The following MYO5B variants were observed in gnomAD, a reference collection of about 807,000 sequenced individuals.
MYO5B encodes unconventional myosin-Vb.
A neutral mutation model predicts 229.3 loss-of-function variants in MYO5B; 143 were observed. That is an observed-to-expected ratio of 0.62 (90% confidence interval 0.54 to 0.72). The LOEUF (loss-of-function observed/expected upper bound fraction) is 0.72, where lower values mean the gene tolerates loss of function less well. Among genes scored for constraint, MYO5B ranks in the 30% least tolerant of loss-of-function variants. MYO5B has a pLI of 0.00. For missense variants in MYO5B, 2,321 were observed against 2,331.0 expected, an observed-to-expected ratio of 1.00 and a Z score of 0.09; for synonymous variants, 918 against 885.2, an observed-to-expected ratio of 1.04 and a Z score of -0.66.
intron 21 of MYO5B, among the ~76,000 whole-genome samples, chr18:49,898,711 C>T (rs2024808808): frequency 6.6e-6 from 1 of 152,204 alleles, no homozygotes; most frequent in Non-Finnish European, 1.5e-5. Flanking sequence ...CTATTAAGAA[C>T]TCTCAAGCCA....
At chr18:50,115,351 A>G (rs569805044) in intron 1 of MYO5B, among the ~76,000 whole-genome samples, 2 of 152,204 alleles carry the variant, frequency 1.3e-5, no homozygotes, top group African/African-American at 4.8e-5. Flanking sequence ...ATGGAATTCA[A>G]TCTTACGGCT....
In MYO5B at chr18:50,194,873, A is replaced by G. The variant is rs1314096685; in HGVS notation, c.-80T>C. The G allele has an allele frequency of 2.4e-6, 3 of 1,238,800 alleles. No homozygotes were observed. The African/African-American group carries it at 4.7e-5, about 20-fold the overall frequency. 76.7% of individuals were successfully genotyped at this position (1,238,800 alleles called of 1,614,324 possible). A position where few individuals can be genotyped will look rare whatever the true frequency, so the allele number is the denominator to read the frequency against. ...GTCCGCGGCTGGCCCGCCTGGCGCC[A>G]TGTTCCCGGGCTGGCCTGGAGTTTC... On this transcript the variant is annotated 5_prime_UTR_variant, in exon 1 of 40. The change abolishes an upstream ATG in the 5' untranslated region. Coordinates refer to ENST00000285039, the MANE Select transcript of MYO5B (RefSeq NM_001080467.3).
In MYO5B at chr18:49,977,786, C is replaced by A. The variant is rs75903847; in HGVS notation, c.1056+2658G>T. On this transcript the variant is annotated intron_variant, in intron 9 of 39. Transcript: ENST00000285039. Reference sequence around the variant, plus strand: ...CTCTTAAGGTCCACTCAGGCTATAACAAGGCTGATATTAGACAAAGACTCT... The same window carrying A: ...CTCTTAAGGTCCACTCAGGCTATAAAAAGGCTGATATTAGACAAAGACTCT... Among the ~76,000 whole-genome samples the A allele has an allele frequency of 2.7e-3, 415 of 152,342 alleles. 2 individuals carry two copies. Among genetic ancestry groups the A allele is most frequent in the African/African-American group, 9.3e-3 (385 of 41,576 alleles).
chr18:49,978,832 C>G (rs1313597192), intron 9 of MYO5B, among the ~76,000 whole-genome samples: 2 of 151,880 alleles, frequency 1.3e-5, no homozygotes, highest in Admixed American at 1.3e-4. Context: ...GGGTGTTGGG[C>G]GGGCTGGAGG....
intron 1 of MYO5B, among the ~76,000 whole-genome samples, chr18:50,109,910 A>T (rs1385985318): frequency 6.6e-6 from 1 of 152,170 alleles, no homozygotes; most frequent in Non-Finnish European, 1.5e-5. Flanking sequence ...TGCCCTGTTC[A>T]AAATCCTCCA....
intron 14 of MYO5B, among the ~76,000 whole-genome samples, chr18:49,947,198 C>T (rs938397848): frequency 8.1e-5 from 12 of 148,498 alleles, no homozygotes; most frequent in African/African-American, 2.7e-4. Context: ...CTCCACCTCC[C>T]GGGTTCACGC....
At chr18:50,097,308 A>T in intron 1 of MYO5B, 1 of 456,562 alleles carries the variant, frequency 2.2e-6, no homozygotes, top group South Asian at 1.5e-5. Flanking sequence ...CATCTCAGCC[A>T]GACTGCAGGC....
chr18:49,900,231 T>C (rs1450525775), intron 21 of MYO5B, among the ~76,000 whole-genome samples: 1 of 152,236 alleles, frequency 6.6e-6, no homozygotes, highest in Non-Finnish European at 1.5e-5. Flanking sequence ...CACTGCCACC[T>C]TGGCATGCTT....
chr18:49,875,050 C>G (rs1409580469), intron 26 of MYO5B, among the ~76,000 whole-genome samples: 1 of 152,196 alleles, frequency 6.6e-6, no homozygotes, highest in African/African-American at 2.4e-5. Flanking sequence ...ATATTGTTAT[C>G]TGCTGTCCTT....
chr18:50,077,502 A>AACACACACACAC (rs60086500), intron 1 of MYO5B, among the ~76,000 whole-genome samples: 380 of 133,592 alleles, frequency 2.8e-3, no homozygotes, highest in Middle Eastern at 0.019. Context: ...CACACACACA[A>AACACACACACAC]ACACACACAC....
At chr18:50,037,076 C>T in intron 3 of MYO5B, 82 bp from the exon 4 acceptor site, 1 of 1,530,562 alleles carries the variant, frequency 6.5e-7, no homozygotes, top group Non-Finnish European at 9.0e-7. Flanking sequence ...TCCATTCATA[C>T]ACATGCCAAA....
At chr18:50,126,845 C>A (rs985068340) in intron 1 of MYO5B, among the ~76,000 whole-genome samples, 19 of 152,192 alleles carry the variant, frequency 1.2e-4, no homozygotes, top group Non-Finnish European at 2.6e-4. Flanking sequence ...GGCTCTGTAA[C>A]CTTGGGCAAG....
At chr18:49,970,944 T>A (rs1412130807) in intron 10 of MYO5B, 1 of 152,200 alleles carries the variant, frequency 6.6e-6, no homozygotes, top group Non-Finnish European at 1.5e-5. Flanking sequence ...GGACTCCACT[T>A]TTGCCACTCT....
intron 9 of MYO5B, 26 bp downstream of exon 9, chr18:49,980,418 A>T (rs753229107): frequency 1.3e-5 from 20 of 1,483,256 alleles, no homozygotes; most frequent in Non-Finnish European, 1.9e-5. Context: ...TGTTCATTTT[A>T]TCTCCGGTGT....
intron 17 of MYO5B, among the ~76,000 whole-genome samples, chr18:49,914,405 A>G (rs1368069166): frequency 1.3e-5 from 2 of 152,200 alleles, no homozygotes; most frequent in African/African-American, 4.8e-5. Context: ...ATATTAAAAG[A>G]GAGTAAGTGG....
intron 1 of MYO5B, among the ~76,000 whole-genome samples, chr18:50,095,350 T>A (rs1396123800): frequency 6.6e-6 from 1 of 151,962 alleles, no homozygotes; most frequent in Non-Finnish European, 1.5e-5. Flanking sequence ...TGCATTTCCC[T>A]CCTCTACACA....
At chr18:49,889,583 A>G (rs1269037734) in intron 22 of MYO5B, among the ~76,000 whole-genome samples, 1 of 152,138 alleles carries the variant, frequency 6.6e-6, no homozygotes, top group African/African-American at 2.4e-5. Context: ...ATGGAGCAAA[A>G]CTTTGCTTCT....
intron 1 of MYO5B, among the ~76,000 whole-genome samples, chr18:50,188,405 C>A (rs1195228366): frequency 6.6e-6 from 1 of 152,194 alleles, no homozygotes; most frequent in African/African-American, 2.4e-5. Context: ...TAATGACACA[C>A]AGATAATCCT....
intron 7 of MYO5B, among the ~76,000 whole-genome samples, chr18:49,987,278 A>T (rs115540721): frequency 6.6e-6 from 1 of 152,162 alleles, no homozygotes; most frequent in Non-Finnish European, 1.5e-5. Flanking sequence ...TCTGAAACCA[A>T]TCAAAATGAT....
Sources: allele counts gnomAD v4.1 joint callset (sites outside exome capture counted in the v4.1 genomes callset), GRCh38; gene constraint gnomAD v4.1.1; transcripts MANE v1.5; gene names NCBI Gene and HGNC (gene_info 2026-07-23, HGNC 2026-07-21).